The following RBMS3 variants were observed in gnomAD, a reference collection of about 807,000 sequenced individuals.
RBMS3 encodes RNA binding motif single stranded interacting protein 3.
A neutral mutation model predicts 66.8 loss-of-function variants in RBMS3; 27 were observed. The ratio of observed to expected loss-of-function variants is 0.40; its 90% CI spans 0.30 to 0.56. The LOEUF (loss-of-function observed/expected upper bound fraction) is 0.56, where lower values mean the gene tolerates loss of function less well. Ranked by LOEUF, RBMS3 falls within the 20% of genes least tolerant of loss-of-function variation. The pLI is 0.40. For synonymous variants in RBMS3, 188 were observed against 183.0 expected, an observed-to-expected ratio of 1.03 and a Z score of -0.22; for missense variants, 513 against 549.5, an observed-to-expected ratio of 0.93 and a Z score of 0.66.
chr3:29,283,808 T>C (rs1305508158), intron 1 of RBMS3, among the ~76,000 whole-genome samples: 1 of 152,168 alleles, frequency 6.6e-6, no homozygotes, highest in Non-Finnish European at 1.5e-5. Context: ...AGTTGTCCTG[T>C]ATTGTTATGG....
chr3:29,834,979 G>A (rs904414765), intron 6 of RBMS3, among the ~76,000 whole-genome samples: 1 of 151,882 alleles, frequency 6.6e-6, no homozygotes, highest in East Asian at 1.9e-4. Flanking sequence ...AAGAGCAGGA[G>A]TAGTTATATT....
intron 12 of RBMS3, among the ~76,000 whole-genome samples, chr3:29,957,632 T>C (rs576947148): frequency 6.6e-6 from 1 of 152,300 alleles, no homozygotes; most frequent in South Asian, 2.1e-4. Context: ...ATGTACAATG[T>C]GTCTATTAGA....
rs141135266 is a variant in RBMS3 at position 29,989,998 on chromosome 3, A to C, written c.1180-1084A>C. On this transcript the variant is annotated intron_variant, in intron 13 of 14. Coordinates refer to ENST00000383767, the MANE Select transcript of RBMS3 (RefSeq NM_001003793.3). ...CAGCGTGGCTTATTGGAAACAGTCT[A>C]ATTATATTTAGGGATTAAAAGAAAT... Among the ~76,000 whole-genome samples the C allele has an allele frequency of 2.7e-3, 414 of 152,272 alleles. 7 individuals are homozygous for C. The highest frequency in any genetic ancestry group is 9.2e-3 in the African/African-American group (382 of 41,558).
At chr3:29,286,021 T>C (rs2032300862) in intron 1 of RBMS3, among the ~76,000 whole-genome samples, 1 of 152,168 alleles carries the variant, frequency 6.6e-6, no homozygotes, top group Admixed American at 6.6e-5. Context: ...AACTTGCCAG[T>C]TGTTTTAAAA....
chr3:29,779,030 AT>A (rs2056525511), intron 6 of RBMS3, among the ~76,000 whole-genome samples: 1 of 151,764 alleles, frequency 6.6e-6, no homozygotes, highest in Non-Finnish European at 1.5e-5. Flanking sequence ...TAAATACATC[AT>A]TTCTTTAGTC....
At chr3:29,375,397 A>G (rs977138804) in intron 1 of RBMS3, among the ~76,000 whole-genome samples, 3 of 152,238 alleles carry the variant, frequency 2.0e-5, no homozygotes, top group African/African-American at 7.2e-5. Context: ...AAAAGAAACT[A>G]TCATCAGAGT....
chr3:29,984,763 T>G (rs1317810211), intron 12 of RBMS3, among the ~76,000 whole-genome samples: 1 of 152,172 alleles, frequency 6.6e-6, no homozygotes, highest in Non-Finnish European at 1.5e-5. Flanking sequence ...CAAATATTGC[T>G]GCCTGTTCCT....
chr3:29,409,826 C>A (rs1262316473), intron 1 of RBMS3, among the ~76,000 whole-genome samples: 1 of 152,164 alleles, frequency 6.6e-6, no homozygotes, highest in African/African-American at 2.4e-5. Flanking sequence ...GGTCAAGGAG[C>A]AAGTTGCAGT....
At chr3:29,404,239 A>T (rs536626327) in intron 1 of RBMS3, among the ~76,000 whole-genome samples, 1 of 152,200 alleles carries the variant, frequency 6.6e-6, no homozygotes, top group South Asian at 2.1e-4. Flanking sequence ...CACAGTTTTG[A>T]GTGGGACCAA....
intron 7 of RBMS3, 91 bp downstream of exon 7, chr3:29,869,055 T>G (rs11922632): frequency 9.6e-7 from 1 of 1,045,682 alleles, no homozygotes; most frequent in African/African-American, 1.6e-5. Context: ...CATGATGAAA[T>G]TGGGTCCCAT....
At chr3:29,546,571 CTT>C (rs1318699002) in intron 3 of RBMS3, among the ~76,000 whole-genome samples, 3 of 152,116 alleles carry the variant, frequency 2.0e-5, no homozygotes, top group African/African-American at 7.2e-5. Flanking sequence ...AAACTTGAGA[CTT>C]TATTACAGTT....
At chr3:29,636,402 T>G (rs564131585) in intron 4 of RBMS3, among the ~76,000 whole-genome samples, 1 of 151,980 alleles carries the variant, frequency 6.6e-6, no homozygotes, top group Non-Finnish European at 1.5e-5. Flanking sequence ...ATAAAAATTT[T>G]TCTAAAGGAA....
In RBMS3 at chr3:29,431,288, T is replaced by TTTC. The variant is rs745571476; in HGVS notation, c.76-3455_76-3454insTTC. 9.8e-4 allele frequency among the ~76,000 whole-genome samples: 121 copies of TTTC among 123,084 alleles called. 1 individual carries two copies. The highest frequency in any genetic ancestry group is 7.7e-3 in the Middle Eastern group (2 of 260). 80.7% of individuals were successfully genotyped at this position (123,084 alleles called of 152,430 possible). ...TAGTTGAGAAAAATGTTTCTTTCTTTCTTTTTCCTTTTCTTTTTTTTTTTT... is the reference window on the plus strand; with the variant it reads ...TAGTTGAGAAAAATGTTTCTTTCTTTTTCCTTTTTCCTTTTCTTTTTTTTTTTT... On this transcript the variant is annotated intron_variant, in intron 1 of 14. Coordinates refer to ENST00000383767, the MANE Select transcript of RBMS3 (RefSeq NM_001003793.3).
chr3:29,430,307 G>A (rs899630858), intron 1 of RBMS3, among the ~76,000 whole-genome samples: 1 of 151,850 alleles, frequency 6.6e-6, no homozygotes, highest in African/African-American at 2.4e-5. Context: ...AAAATCGACC[G>A]CTTTCAGCAG....
chr3:29,454,913 T>C (rs2042130471), intron 2 of RBMS3, among the ~76,000 whole-genome samples: 1 of 152,204 alleles, frequency 6.6e-6, no homozygotes, highest in Admixed American at 6.5e-5. Flanking sequence ...AATAATTTTA[T>C]AATATTAGAT....
chr3:29,708,297 A>G (rs1396065126), intron 4 of RBMS3, among the ~76,000 whole-genome samples: 1 of 152,178 alleles, frequency 6.6e-6, no homozygotes, highest in African/African-American at 2.4e-5. Flanking sequence ...AAGGTTTAGA[A>G]GCATGCTGAT....
intron 10 of RBMS3, among the ~76,000 whole-genome samples, chr3:29,923,010 C>A (rs1383985480): frequency 6.6e-6 from 1 of 152,154 alleles, no homozygotes; most frequent in South Asian, 2.1e-4. Context: ...CTGAATCATG[C>A]CCACAGATGC....
intron 4 of RBMS3, among the ~76,000 whole-genome samples, chr3:29,701,508 C>T (rs980423484): frequency 1.2e-4 from 18 of 152,244 alleles, no homozygotes; most frequent in Middle Eastern, 3.4e-3. Context: ...TGCTGCTGCA[C>T]TATGGGAGCC....
At chr3:29,607,327 G>A (rs1410850878) in intron 4 of RBMS3, among the ~76,000 whole-genome samples, 1 of 151,920 alleles carries the variant, frequency 6.6e-6, no homozygotes, top group Non-Finnish European at 1.5e-5. Context: ...AGTTTTGGAG[G>A]CTGGGAAGTC....
Sources: allele counts gnomAD v4.1 joint callset (sites outside exome capture counted in the v4.1 genomes callset), GRCh38; gene constraint gnomAD v4.1.1; transcripts MANE v1.5; gene names NCBI Gene and HGNC (gene_info 2026-07-23, HGNC 2026-07-21).